Variants in TSHR observed in about 807,000 individuals in gnomAD.
TSHR encodes thyrotropin receptor.
A neutral mutation model predicts 64.1 loss-of-function variants in TSHR; 51 were observed. The observed-to-expected ratio is 0.80, with a 90% CI of 0.64 to 1.01. TSHR has a LOEUF of 1.01. Ranked by LOEUF, TSHR falls within the 50% of genes least tolerant of loss-of-function variation. The pLI is 0.00. For missense variants in TSHR, 877 were observed against 942.8 expected (o/e 0.93, Z 0.91); for synonymous variants, 361 against 361.9 (o/e 1.00, Z 0.03).
In TSHR at chr14:80,955,810, A is replaced by G. The variant is rs1438707214; in HGVS notation, c.130A>G (p.Ile44Val). ...GGACTTCAGAGTCACCTGCAAGGAT[A>G]TTCAACGCATCCCCAGCTTACCGCC... Reference protein sequence around the residue: ...EEDFRVTCKDIQRIPSLPPST... With the variant: ...EEDFRVTCKDVQRIPSLPPST... The change falls in exon 1 of 10, where the codon ATT (isoleucine) becomes GTT (valine). Residue 44 changes from isoleucine to valine, a missense_variant. Physicochemically the swap from Ile to Val is conservative, Grantham distance 29. Transcript: ENST00000298171. The G allele has an allele frequency of 1.2e-6, 2 of 1,614,204 alleles. No homozygotes were observed. The highest frequency in any genetic ancestry group is 3.3e-5 in the Admixed American group (2 of 60,030).
intron 8 of TSHR, among the ~76,000 whole-genome samples, chr14:81,113,370 G>GA (rs1479366978): frequency 4.6e-5 from 7 of 152,196 alleles, no homozygotes; most frequent in African/African-American, 1.7e-4. Flanking sequence ...TGAGATAGGG[G>GA]AAGTTAGTTT....
chr14:81,045,687 C>T lies in TSHR; in HGVS notation c.171-16461C>T, dbSNP rs371606620. ...TAAATTCAAACCAATTTCACATTTA[C>T]TGAATAATTATGGAAGCTAGAAACC... On this transcript the variant is annotated intron_variant, in intron 1 of 9. Transcript: ENST00000298171. 4.1e-4 allele frequency among the ~76,000 whole-genome samples: 63 copies of T among 152,250 alleles called. No homozygotes were observed. In the South Asian group the frequency reaches 0.012, roughly 30 times the overall value.
chr14:81,077,421 C>T (rs914635409), intron 3 of TSHR, among the ~76,000 whole-genome samples: 1 of 152,210 alleles, frequency 6.6e-6, no homozygotes, highest in African/African-American at 2.4e-5. Flanking sequence ...CATATTCATA[C>T]ATATATGTTT....
At chr14:81,082,980 T>C (rs953552073) in intron 3 of TSHR, among the ~76,000 whole-genome samples, 1 of 151,984 alleles carries the variant, frequency 6.6e-6, no homozygotes, top group Admixed American at 6.6e-5. Context: ...CGTTGAATAA[T>C]TGAGGTAGGA....
At chr14:81,029,914 T>C (rs1216253116) in intron 1 of TSHR, among the ~76,000 whole-genome samples, 1 of 152,210 alleles carries the variant, frequency 6.6e-6, no homozygotes, top group Non-Finnish European at 1.5e-5. Flanking sequence ...ATTTATATTG[T>C]GTAATTACTT....
At chr14:81,089,328 G>A (rs1000218003) in intron 4 of TSHR, among the ~76,000 whole-genome samples, 2 of 152,150 alleles carry the variant, frequency 1.3e-5, no homozygotes, top group Non-Finnish European at 2.9e-5. Flanking sequence ...GAGATGCCAG[G>A]GGAATGGAAG....
intron 7 of TSHR, chr14:81,104,589 C>A (rs893248361): frequency 2.0e-6 from 2 of 985,294 alleles, no homozygotes; most frequent in Non-Finnish European, 2.4e-6. Flanking sequence ...TCCAGCAAGT[C>A]TTTACTGAAT....
chr14:81,015,254 A>G (rs943197026), intron 1 of TSHR, among the ~76,000 whole-genome samples: 1 of 152,156 alleles, frequency 6.6e-6, no homozygotes, highest in African/African-American at 2.4e-5. Flanking sequence ...ATTCCTCTGT[A>G]AACCTAAGGC....
chr14:81,093,481 T>C (rs568436148), intron 6 of TSHR: 1 of 152,388 alleles, frequency 6.6e-6, no homozygotes, highest in South Asian at 2.1e-4. Flanking sequence ...TCAAGCCTGG[T>C]GAAGTTTTTG....
rs1889808152 is a variant in TSHR, at chr14:81,105,042, T to G, written c.615-3333T>G. 16 of 985,324 alleles carry G rather than the reference T, an allele frequency of 1.6e-5. No individual in the cohort carries two copies. In the South Asian group the frequency reaches 7.0e-4, roughly 43 times the overall value. 61.0% of individuals were successfully genotyped at this position (985,324 alleles called of 1,614,324 possible). On this transcript the variant is annotated intron_variant, in intron 7 of 9. Coordinates refer to ENST00000298171, the MANE Select transcript of TSHR (RefSeq NM_000369.5). ...TACTACAAGCCTTTTGAGTCTCTTTTAAGCTACTTTATGTTCATCTTCTCC... is the reference window on the plus strand; with the variant it reads ...TACTACAAGCCTTTTGAGTCTCTTTGAAGCTACTTTATGTTCATCTTCTCC...
chr14:80,995,060 C>T (rs1239308718), intron 1 of TSHR: 1 of 151,926 alleles, frequency 6.6e-6, no homozygotes, highest in Admixed American at 6.6e-5. Flanking sequence ...ATAAATAACC[C>T]CATTAAAAGG....
intron 7 of TSHR, chr14:81,102,693 A>G (rs1889662875): frequency 1.5e-6 from 1 of 674,292 alleles, no homozygotes; most frequent in East Asian, 1.4e-4. Context: ...TTATGTTCCA[A>G]TAAAACTTTA....
chr14:81,000,000 T>C (rs201525183), intron 1 of TSHR, among the ~76,000 whole-genome samples: 3 of 150,140 alleles, frequency 2.0e-5, no homozygotes, highest in East Asian at 4.0e-4. Flanking sequence ...GGCATGATCT[T>C]GGCTCACTGC....
intron 8 of TSHR, among the ~76,000 whole-genome samples, chr14:81,132,182 G>A (rs140620886): frequency 1.3e-5 from 2 of 152,242 alleles, no homozygotes; most frequent in Admixed American, 1.3e-4. Context: ...ATTTACAGAT[G>A]TAACTGCGCA....
chr14:81,000,090 C>A (rs1889235339), intron 1 of TSHR, among the ~76,000 whole-genome samples: 1 of 151,954 alleles, frequency 6.6e-6, no homozygotes, highest in Admixed American at 6.6e-5. Flanking sequence ...TGCCACCACA[C>A]CTGGCTAATT....
rs1363471483 is a variant in TSHR, at chr14:81,062,218, A to T, written c.241A>T (p.Ile81Phe). The change falls in exon 2 of 10, where the codon ATC becomes TTC. Residue 81 changes from isoleucine to phenylalanine, a missense_variant and splice_region_variant. Ile to Phe is a conservative substitution (Grantham distance 21, BLOSUM62 0). Transcript: ENST00000298171. ...AFSNLPNISR[I>F]YVSIDVTLQQ... ...TTCTAATCTGCCCAATATTTCCAGAATGTAAGTTTTTTTAATATAAAGAAA... is the reference window on the plus strand; with the variant it reads ...TTCTAATCTGCCCAATATTTCCAGATTGTAAGTTTTTTTAATATAAAGAAA... The T allele has an allele frequency of 6.2e-7, 1 of 1,609,566 alleles. No homozygotes were observed. Among genetic ancestry groups the T allele is most frequent in the East Asian group, 2.2e-5 (1 of 44,694 alleles).
chr14:81,129,053 G>C (rs1442629176), intron 8 of TSHR, among the ~76,000 whole-genome samples: 1 of 151,936 alleles, frequency 6.6e-6, no homozygotes, highest in Non-Finnish European at 1.5e-5. Flanking sequence ...CCTAACTTTG[G>C]TTATTTCAAT....
intron 1 of TSHR, 141 bp downstream of exon 1, chr14:80,955,991 T>A: frequency 9.8e-7 from 1 of 1,015,876 alleles, no homozygotes; most frequent in Non-Finnish European, 1.5e-6. Context: ...TCTGTGTGTG[T>A]AGATGTGTGT....
intron 7 of TSHR, among the ~76,000 whole-genome samples, chr14:81,106,804 G>C (rs7141675): frequency 0.42 from 63,683 of 151,626 alleles, 16,526 homozygotes; most frequent in Non-Finnish European, 0.57. Context: ...AATTAGTCAG[G>C]CATGATGGCG....
Sources: gnomAD v4.1 joint callset for allele counts (sites outside exome capture counted in the v4.1 genomes callset) on GRCh38, gnomAD v4.1.1 for gene constraint, MANE v1.5 for transcripts, NCBI Gene and HGNC (gene_info 2026-07-23, HGNC 2026-07-21) for gene names.